The following DDX60L variants were observed in gnomAD, a reference collection of about 807,000 sequenced individuals.
DDX60L encodes the protein probable ATP-dependent RNA helicase DDX60-like.
A neutral mutation model predicts 211.6 loss-of-function variants in DDX60L; 191 were observed. The ratio of observed to expected loss-of-function variants is 0.90; its 90% confidence interval spans 0.80 to 1.02. DDX60L has a LOEUF of 1.02. DDX60L is among the 50% of genes least tolerant of loss of function. The pLI, the probability that DDX60L is intolerant of heterozygous loss-of-function variation, is 0.00. For synonymous variants in DDX60L, 706 were observed against 694.1 expected, an observed-to-expected ratio of 1.02 and a Z score of -0.27; for missense variants, 2,007 against 1,984.1, an observed-to-expected ratio of 1.01 and a Z score of -0.22.
At chr4:168,407,858 T>C (rs1036609686) in intron 22 of DDX60L, among the ~76,000 whole-genome samples, 1 of 152,224 alleles carries the variant, frequency 6.6e-6, no homozygotes, top group African/African-American at 2.4e-5. Flanking sequence ...AGAATGACAA[T>C]GTCTTCATTG....
chr4:168,398,383 T>C (rs1435684557), intron 26 of DDX60L, among the ~76,000 whole-genome samples: 1 of 152,170 alleles, frequency 6.6e-6, no homozygotes, highest in African/African-American at 2.4e-5. Flanking sequence ...TTTCCAGACA[T>C]TGAGTGCCAG....
At position 168,371,777 on chromosome 4, in the gene DDX60L, T is replaced by A. The variant is rs757395063; in HGVS notation, c.4777-14A>T. 1.3e-6 allele frequency: 2 copies of A among 1,588,836 alleles called. No homozygotes were observed. Among genetic ancestry groups the A allele is most frequent in the Admixed American group, 1.7e-5 (1 of 59,342 alleles). On this transcript the variant is annotated splice_polypyrimidine_tract_variant and intron_variant, in intron 35 of 37. Transcript: ENST00000682922. ...GCGCAGGATGACCTGAAGAAAGACATTTTCTATTACTTCATTACTGATATG... is the reference window on the plus strand; with the variant it reads ...GCGCAGGATGACCTGAAGAAAGACAATTTCTATTACTTCATTACTGATATG...
chr4:168,429,362 C>G (rs1751982442), intron 13 of DDX60L, among the ~76,000 whole-genome samples: 1 of 152,124 alleles, frequency 6.6e-6, no homozygotes, highest in South Asian at 2.1e-4. Context: ...GCCAGCCAGG[C>G]TGGTGTCGAA....
At chr4:168,390,985 C>G (rs1165006526) in intron 29 of DDX60L, among the ~76,000 whole-genome samples, 1 of 151,358 alleles carries the variant, frequency 6.6e-6, no homozygotes, top group Non-Finnish European at 1.5e-5. Flanking sequence ...AAAAAGCATA[C>G]TCCCAAGAAG....
At chr4:168,449,669 A>G (rs1333857289) in intron 8 of DDX60L, among the ~76,000 whole-genome samples, 6 of 146,118 alleles carry the variant, frequency 4.1e-5, no homozygotes, top group East Asian at 1.9e-4. Context: ...AAAAAAAGAA[A>G]AAAGAAAAAA....
Position 168,396,130 on chromosome 4 carries a change from A to AT in DDX60L, c.3492-7dup, listed in dbSNP as rs775892016. On this transcript the variant is annotated splice_polypyrimidine_tract_variant and splice_region_variant and intron_variant, in intron 26 of 37. Coordinates refer to ENST00000682922, the MANE Select transcript of DDX60L (RefSeq NM_001012967.3). ...TCTTTGGGTTTTTTTTAGTGCTACT[A>AT]TTTAAAAAAAAAAAAAAACTTTTAA... 99 of 1,319,012 alleles carry AT rather than the reference A, an allele frequency of 7.5e-5. 2 individuals carry two copies. The highest frequency in any genetic ancestry group is 4.7e-4 in the African/African-American group (26 of 54,818). The allele number at this position is 1,319,012 out of a possible 1,614,324, so 81.7% of individuals were successfully genotyped here. A position where few individuals can be genotyped will look rare whatever the true frequency, so the allele number is the denominator to read the frequency against.
rs754460750 is a variant in DDX60L, at chr4:168,396,129, T to C, written c.3492-5A>G. 21 of 1,334,332 alleles carry C rather than the reference T, an allele frequency of 1.6e-5. No individual in the cohort carries two copies. Among genetic ancestry groups the C allele is most frequent in the East Asian group, 2.7e-5 (1 of 37,718 alleles). The allele number at this position is 1,334,332 out of a possible 1,614,324, so 82.7% of individuals were successfully genotyped here. A position where few individuals can be genotyped will look rare whatever the true frequency, so the allele number is the denominator to read the frequency against. ...TTCTTTGGGTTTTTTTTAGTGCTAC[T>C]ATTTAAAAAAAAAAAAAAACTTTTA... On this transcript the variant is annotated splice_region_variant and splice_polypyrimidine_tract_variant and intron_variant, in intron 26 of 37. Transcript: ENST00000682922.
At chr4:168,442,011 G>C (rs935311799) in intron 9 of DDX60L, among the ~76,000 whole-genome samples, 1 of 152,122 alleles carries the variant, frequency 6.6e-6, no homozygotes, top group Non-Finnish European at 1.5e-5. Flanking sequence ...CAAGATGGCC[G>C]AATAGGAACA....
intron 35 of DDX60L, among the ~76,000 whole-genome samples, chr4:168,372,122 G>GA (rs1741139766): frequency 1.3e-5 from 2 of 152,168 alleles, no homozygotes; most frequent in Non-Finnish European, 2.9e-5. Flanking sequence ...TTTTAAGGTA[G>GA]AATTTTCATC....
rs752990217 is a variant in DDX60L, at chr4:168,394,536, A to G, written c.3739T>C (p.Tyr1247His). ...LKALAQRGIG[Y>H]HHSSMYFKEK... ...TTAAAATACATGCTGCTGTGATGAT[A>G]TCCAATCCCCCTTTGTGCTAAAGCC... The change falls in exon 28 of 38, where the codon TAT becomes CAT. Residue 1247 changes from tyrosine (Y) to histidine (H), a missense_variant. Physicochemically the swap from Tyr to His is moderately conservative, Grantham distance 83. Coordinates refer to ENST00000682922, the MANE Select transcript of DDX60L (RefSeq NM_001012967.3). 1.2e-6 allele frequency: 2 copies of G among 1,613,790 alleles called. No homozygotes were observed. The highest frequency in any genetic ancestry group is 1.7e-6 in the Non-Finnish European group (2 of 1,179,696).
At chr4:168,474,022 C>T (rs1759158833) in intron 1 of DDX60L, among the ~76,000 whole-genome samples, 1 of 152,158 alleles carries the variant, frequency 6.6e-6, no homozygotes, top group Admixed American at 6.5e-5. Context: ...TGCTGTGTGA[C>T]AGGCGCTGCA....
chr4:168,479,154 GGATGGATGGATA>G (rs144764311), intron 1 of DDX60L, among the ~76,000 whole-genome samples: 40,481 of 144,354 alleles, frequency 0.28, 6,526 homozygotes, highest in East Asian at 0.55. Flanking sequence ...ATGGATGGAT[GGATGGATGGATA>G]GAGAGATAGG....
intron 9 of DDX60L, among the ~76,000 whole-genome samples, chr4:168,447,694 G>T (rs1476155370): frequency 1.3e-5 from 2 of 151,494 alleles, no homozygotes; most frequent in African/African-American, 2.4e-5. Flanking sequence ...ATACTATGCA[G>T]CCATAAAAAA....
chr4:168,450,115 G>A (rs557959781), intron 8 of DDX60L, among the ~76,000 whole-genome samples: 16 of 152,150 alleles, frequency 1.1e-4, no homozygotes, highest in Non-Finnish European at 1.5e-4. Flanking sequence ...TATGGCTTAG[G>A]AGTCATGCAG....
chr4:168,415,323 G>T (rs1749355092), intron 22 of DDX60L, 85 bp downstream of exon 22: 3 of 594,588 alleles, frequency 5.0e-6, no homozygotes, highest in East Asian at 6.1e-5. Context: ...TATACATGCT[G>T]CAGTTCTATG....
intron 17 of DDX60L, among the ~76,000 whole-genome samples, chr4:168,421,302 A>T (rs915434856): frequency 6.6e-6 from 1 of 152,224 alleles, no homozygotes; most frequent in African/African-American, 2.4e-5. Flanking sequence ...TTTTCTAAAA[A>T]TAAGTATAAT....
intron 35 of DDX60L, among the ~76,000 whole-genome samples, chr4:168,372,874 T>A (rs1370279667): frequency 6.6e-6 from 1 of 152,244 alleles, no homozygotes; most frequent in Non-Finnish European, 1.5e-5. Context: ...CTTTTCTATT[T>A]GTTTACTTTG....
At chr4:168,437,137 G>T (rs532505574) in intron 10 of DDX60L, among the ~76,000 whole-genome samples, 17 of 152,202 alleles carry the variant, frequency 1.1e-4, no homozygotes, top group Non-Finnish European at 2.2e-4. Flanking sequence ...GATTGGACTG[G>T]ACTGTGTTCT....
chr4:168,375,082 C>T (rs546008004), intron 34 of DDX60L, among the ~76,000 whole-genome samples: 3 of 152,286 alleles, frequency 2.0e-5, no homozygotes, highest in Non-Finnish European at 2.9e-5. Context: ...GTTTTCCAAC[C>T]TGAACAGATA....
Sources: allele counts gnomAD v4.1 joint callset (sites outside exome capture counted in the v4.1 genomes callset), GRCh38; gene constraint gnomAD v4.1.1; transcripts MANE v1.5; gene names NCBI Gene and HGNC (gene_info 2026-07-23, HGNC 2026-07-21).